The following SNX13 variants were observed in gnomAD, a reference collection of about 807,000 sequenced individuals.
SNX13 encodes the protein sorting nexin 13.
Under a neutral mutation model 133.6 loss-of-function variants are expected in SNX13, and 45 were observed. That is an observed-to-expected ratio of 0.34 (90% CI 0.27 to 0.43). The LOEUF (loss-of-function observed/expected upper bound fraction) is 0.43. Among genes scored for constraint, SNX13 ranks in the 20% least tolerant of loss-of-function variants. The pLI is 1.00. For missense variants in SNX13, 1,032 were observed against 1,145.1 expected, an observed-to-expected ratio of 0.90 and a Z score of 1.43; for synonymous variants, 414 against 373.9, an observed-to-expected ratio of 1.11 and a Z score of -1.24.
chr7:17,851,454 C>A (rs1347087187), intron 9 of SNX13, among the ~76,000 whole-genome samples: 2 of 152,058 alleles, frequency 1.3e-5, no homozygotes, highest in East Asian at 3.9e-4. Flanking sequence ...AAAAAAGGAC[C>A]AGTTAATAAG....
In SNX13 at chr7:17,861,832, C is replaced by T. The variant is rs558108010; in HGVS notation, c.837+6575G>A. Reference sequence around the variant, plus strand: ...AAGGTTAAACAAGGCACTTGACCTCCGAAGTGCCCACTTGGGTCTCTTCCA... The same window carrying T: ...AAGGTTAAACAAGGCACTTGACCTCTGAAGTGCCCACTTGGGTCTCTTCCA... On this transcript the variant is annotated intron_variant, in intron 9 of 25. Transcript: ENST00000428135. 9.2e-5 allele frequency among the ~76,000 whole-genome samples: 14 copies of T among 152,282 alleles called. No homozygotes were observed. The South Asian group carries it at 2.9e-3, about 32-fold the overall frequency.
At chr7:17,921,715 T>C (rs1478521184) in intron 1 of SNX13, among the ~76,000 whole-genome samples, 1 of 152,182 alleles carries the variant, frequency 6.6e-6, no homozygotes, top group Non-Finnish European at 1.5e-5. Context: ...ACAAATTAAA[T>C]CAAAATAGCT....
At chr7:17,857,381 A>G (rs1792051394) in intron 9 of SNX13, among the ~76,000 whole-genome samples, 1 of 152,196 alleles carries the variant, frequency 6.6e-6, no homozygotes, top group Non-Finnish European at 1.5e-5. Context: ...TTGAAACTCA[A>G]TCTACAAGCC....
At chr7:17,859,161 C>T (rs1305313418) in intron 9 of SNX13, among the ~76,000 whole-genome samples, 1 of 151,958 alleles carries the variant, frequency 6.6e-6, no homozygotes, top group Admixed American at 6.6e-5. Context: ...AATACCAAGT[C>T]ATAACCTAGG....
At chr7:17,875,641 T>C (rs370466152) in intron 6 of SNX13, 28 bp downstream of exon 6, 5 of 1,606,298 alleles carry the variant, frequency 3.1e-6, no homozygotes, top group African/African-American at 1.3e-5. Flanking sequence ...TTTCAAATCC[T>C]AGTTTTCAAA....
intron 18 of SNX13, among the ~76,000 whole-genome samples, chr7:17,818,887 C>T (rs1025853307): frequency 3.3e-5 from 5 of 152,080 alleles, no homozygotes; most frequent in Admixed American, 1.3e-4. Context: ...ACTCAGTTAC[C>T]TTAATGAATA....
chr7:17,826,657 T>C (rs201788350), intron 16 of SNX13, among the ~76,000 whole-genome samples: 1 of 152,116 alleles, frequency 6.6e-6, no homozygotes, highest in Non-Finnish European at 1.5e-5. Context: ...ATTTATTAAA[T>C]GAGGTGAATC....
At chr7:17,838,486 C>A (rs1484218389) in intron 13 of SNX13, among the ~76,000 whole-genome samples, 1 of 151,830 alleles carries the variant, frequency 6.6e-6, no homozygotes, top group African/African-American at 2.4e-5. Flanking sequence ...CTGATTCTCA[C>A]AATAATCTTT....
At chr7:17,852,863 T>A (rs1467526981) in intron 9 of SNX13, among the ~76,000 whole-genome samples, 1 of 152,202 alleles carries the variant, frequency 6.6e-6, no homozygotes, top group Non-Finnish European at 1.5e-5. Context: ...GGATATTTCA[T>A]CCACAGTAAC....
chr7:17,870,194 C>A (rs188923588), intron 8 of SNX13, among the ~76,000 whole-genome samples: 2,262 of 152,092 alleles, frequency 0.015, 57 homozygotes, highest in African/African-American at 0.052. Context: ...GATACAAAAT[C>A]ATTGAAGCCA....
intron 1 of SNX13, among the ~76,000 whole-genome samples, chr7:17,928,116 T>C (rs1407471439): frequency 1.3e-5 from 2 of 152,222 alleles, no homozygotes; most frequent in Admixed American, 1.3e-4. Flanking sequence ...CAGAGAAAGC[T>C]AGATCCTCAA....
intron 17 of SNX13, among the ~76,000 whole-genome samples, chr7:17,822,377 C>A (rs926028791): frequency 2.0e-5 from 3 of 152,088 alleles, no homozygotes; most frequent in African/African-American, 7.2e-5. Context: ...CTGCACTCTA[C>A]AATTAACGTC....
intron 13 of SNX13, among the ~76,000 whole-genome samples, chr7:17,838,398 T>G (rs1789408957): frequency 6.6e-6 from 1 of 151,990 alleles, no homozygotes; most frequent in African/African-American, 2.4e-5. Flanking sequence ...AGCTAAAGGT[T>G]TGACAATATT....
intron 1 of SNX13, among the ~76,000 whole-genome samples, chr7:17,912,152 GGAA>G (rs1350845638): frequency 1.3e-5 from 2 of 152,330 alleles, no homozygotes; most frequent in Middle Eastern, 3.4e-3. Flanking sequence ...CCAGAACCCA[GGAA>G]GAAGAAGGTG....
chr7:17,812,915 C>T (rs147085640), intron 20 of SNX13, among the ~76,000 whole-genome samples: 5 of 150,890 alleles, frequency 3.3e-5, no homozygotes, highest in African/African-American at 4.8e-5. Context: ...AAACACCACA[C>T]GTTCTCACAC....
chr7:17,914,677 A>C (rs1323930583), intron 1 of SNX13, among the ~76,000 whole-genome samples: 1 of 152,226 alleles, frequency 6.6e-6, no homozygotes, highest in African/African-American at 2.4e-5. Flanking sequence ...ACAGTCACTA[A>C]AGAAATTTGC....
intron 20 of SNX13, among the ~76,000 whole-genome samples, chr7:17,805,254 T>TGTGCGCGCGCGCGC (rs537620797): frequency 5.3e-5 from 7 of 132,438 alleles, no homozygotes; most frequent in Non-Finnish European, 8.2e-5. Context: ...TGTGTGTGCG[T>TGTGCGCGCGCGCGC]GCGCGCGCGC....
intron 1 of SNX13, chr7:17,898,863 T>A (rs979258122): frequency 9.9e-5 from 15 of 152,212 alleles, no homozygotes; most frequent in African/African-American, 3.6e-4. Flanking sequence ...CAACTCTTAT[T>A]CCTTTGTGTT....
intron 25 of SNX13, chr7:17,796,155 T>C (rs1004656350): frequency 8.6e-5 from 13 of 151,720 alleles, no homozygotes; most frequent in Non-Finnish European, 1.6e-4. Context: ...ATTAAATTGC[T>C]TTTTACATTA....
Sources: gnomAD v4.1 joint callset for allele counts (sites outside exome capture counted in the v4.1 genomes callset) on GRCh38, gnomAD v4.1.1 for gene constraint, MANE v1.5 for transcripts, NCBI Gene and HGNC (gene_info 2026-07-23, HGNC 2026-07-21) for gene names.